The following RBFOX1 variants were observed in gnomAD, a reference collection of about 807,000 sequenced individuals.
The protein encoded by RBFOX1 is RNA binding protein fox-1 homolog 1.
In RBFOX1, 8 loss-of-function variants were observed where a neutral mutation model predicts 57.7. The ratio of observed to expected loss-of-function variants is 0.14; its 90% confidence interval spans 0.08 to 0.25. The LOEUF (loss-of-function observed/expected upper bound fraction) is 0.25. Among genes scored for constraint, RBFOX1 ranks in the 10% least tolerant of loss-of-function variants. The pLI is 1.00. For missense variants in RBFOX1, 611 were observed against 548.5 expected (o/e 1.11, Z -1.14); for synonymous variants, 326 against 222.4 (o/e 1.47, Z -4.15).
At chr16:5,636,083 C>T (rs2048674207) in intron 3 of RBFOX1, among the ~76,000 whole-genome samples, 1 of 152,138 alleles carries the variant, frequency 6.6e-6, no homozygotes, top group Non-Finnish European at 1.5e-5. Flanking sequence ...CATGGTGGCT[C>T]ATGCCTGTAA....
intron 4 of RBFOX1, among the ~76,000 whole-genome samples, chr16:5,889,102 A>C (rs373997191): frequency 6.6e-6 from 1 of 152,130 alleles, no homozygotes; most frequent in Non-Finnish European, 1.5e-5. Flanking sequence ...TTTTTCTTCA[A>C]CTTTTAAGTT....
chr16:6,815,861 G>A (rs1418106298), intron 3 of RBFOX1, among the ~76,000 whole-genome samples: 1 of 151,464 alleles, frequency 6.6e-6, no homozygotes, highest in African/African-American at 2.5e-5. Context: ...TCAACACTCA[G>A]TCTGTTTGAA....
chr16:7,165,934 A>G (rs1032649519), intron 4 of RBFOX1, among the ~76,000 whole-genome samples: 1 of 25,614 alleles, frequency 3.9e-5, no homozygotes, highest in African/African-American at 1.0e-4. Flanking sequence ...GCATGCACAT[A>G]CACACACACA....
chr16:5,689,893 A>G (rs533615421), intron 3 of RBFOX1, among the ~76,000 whole-genome samples: 2 of 152,248 alleles, frequency 1.3e-5, no homozygotes, highest in African/African-American at 4.8e-5. Flanking sequence ...CAGGGGAATG[A>G]TGGAACAGGA....
At chr16:5,734,963 C>G (rs749618304) in intron 3 of RBFOX1, among the ~76,000 whole-genome samples, 3 of 152,116 alleles carry the variant, frequency 2.0e-5, no homozygotes, top group Non-Finnish European at 2.9e-5. Flanking sequence ...ATAAAGTTGG[C>G]TCACACAAAC....
chr16:7,010,159 C>G (rs1208634932), intron 3 of RBFOX1, among the ~76,000 whole-genome samples: 1 of 152,202 alleles, frequency 6.6e-6, no homozygotes, highest in Admixed American at 6.5e-5. Flanking sequence ...AGGGGTGAGA[C>G]TTAATCAGCT....
intron 4 of RBFOX1, among the ~76,000 whole-genome samples, chr16:5,944,990 AG>A (rs1391029492): frequency 9.4e-5 from 11 of 117,068 alleles, no homozygotes; most frequent in East Asian, 2.6e-4. Flanking sequence ...AAAAAAAAAG[AG>A]AGAGAGAGAG....
chr16:6,823,339 C>T (rs1019336957), intron 3 of RBFOX1, among the ~76,000 whole-genome samples: 1 of 152,026 alleles, frequency 6.6e-6, no homozygotes, highest in African/African-American at 2.4e-5. Context: ...TCACTGCAAC[C>T]TCCACCTCTT....
intron 4 of RBFOX1, among the ~76,000 whole-genome samples, chr16:7,438,304 TG>T (rs1166500701): frequency 6.6e-6 from 1 of 152,012 alleles, no homozygotes; most frequent in African/African-American, 2.4e-5. Context: ...GATTGTAAAG[TG>T]GATGTGAGGG....
intron 3 of RBFOX1, among the ~76,000 whole-genome samples, chr16:5,723,915 G>T (rs1378372987): frequency 1.3e-5 from 2 of 152,216 alleles, no homozygotes; most frequent in Non-Finnish European, 2.9e-5. Flanking sequence ...CTCAAGTCAA[G>T]AAGATGTTTC....
rs189631753 is a variant in RBFOX1 at position 7,113,400 on chromosome 16, A to T, written c.27+61302A>T. 3.3e-5 allele frequency among the ~76,000 whole-genome samples: 5 copies of T among 152,298 alleles called. No individual in the cohort carries two copies. In the East Asian group the frequency reaches 7.7e-4, roughly 24 times the overall value. On this transcript the variant is annotated intron_variant, in intron 4 of 15. Coordinates refer to ENST00000550418, the MANE Select transcript of RBFOX1 (RefSeq NM_018723.4). ...GATTCTTACAAAGCAAAAGATAAAA[A>T]GTTTCCCTTCTTTCTCATCTACTTG...
At chr16:7,467,306 G>A (rs1053134432) in intron 4 of RBFOX1, among the ~76,000 whole-genome samples, 1 of 152,142 alleles carries the variant, frequency 6.6e-6, no homozygotes, top group Non-Finnish European at 1.5e-5. Flanking sequence ...TATGGCTGTT[G>A]CAGGGGGTCT....
intron 2 of RBFOX1, among the ~76,000 whole-genome samples, chr16:6,356,795 T>C (rs2087406444): frequency 1.3e-5 from 2 of 152,206 alleles, no homozygotes; most frequent in South Asian, 4.1e-4. Context: ...ATCGGTTTAT[T>C]AATCTGACAA....
At chr16:7,117,274 C>A (rs1002918004) in intron 4 of RBFOX1, among the ~76,000 whole-genome samples, 1 of 152,036 alleles carries the variant, frequency 6.6e-6, no homozygotes, top group Admixed American at 6.6e-5. Flanking sequence ...GTACGAACAG[C>A]CTAGCTTATA....
chr16:6,832,260 C>G (rs536653588), intron 3 of RBFOX1, among the ~76,000 whole-genome samples: 1 of 152,164 alleles, frequency 6.6e-6, no homozygotes, highest in Non-Finnish European at 1.5e-5. Context: ...TGGGATTTAT[C>G]TTGAAAAGAG....
chr16:5,677,059 T>C (rs924225136), intron 3 of RBFOX1, among the ~76,000 whole-genome samples: 1 of 152,236 alleles, frequency 6.6e-6, no homozygotes, highest in African/African-American at 2.4e-5. Context: ...TCTCCAATTC[T>C]GCATCTTCCC....
intron 4 of RBFOX1, among the ~76,000 whole-genome samples, chr16:7,392,732 G>T (rs1467584449): frequency 6.6e-6 from 1 of 152,162 alleles, no homozygotes; most frequent in Non-Finnish European, 1.5e-5. Context: ...TTCAGGAGTG[G>T]TTTTGGCTAT....
chr16:7,644,194 A>C (rs1353557309), intron 11 of RBFOX1, among the ~76,000 whole-genome samples: 1 of 152,152 alleles, frequency 6.6e-6, no homozygotes, highest in Non-Finnish European at 1.5e-5. Context: ...CCGCTGGGTG[A>C]GTATCTGAGC....
intron 4 of RBFOX1, among the ~76,000 whole-genome samples, chr16:7,100,100 A>C (rs1458339004): frequency 1.3e-5 from 2 of 152,014 alleles, no homozygotes; most frequent in African/African-American, 4.8e-5. Context: ...TTTGATTTAC[A>C]TACTAAATAA....
Sources: allele counts gnomAD v4.1 joint callset (sites outside exome capture counted in the v4.1 genomes callset), GRCh38; gene constraint gnomAD v4.1.1; transcripts MANE v1.5; gene names NCBI Gene and HGNC (gene_info 2026-07-23, HGNC 2026-07-21).